Variants in WWOX observed in about 807,000 individuals in gnomAD.
WWOX encodes WW domain containing oxidoreductase.
In WWOX, 69 loss-of-function variants were observed where a neutral mutation model predicts 46.2. The ratio of observed to expected loss-of-function variants is 1.49; its 90% CI spans 1.23 to 1.82. WWOX has a LOEUF of 1.82. Among genes scored for constraint, WWOX ranks in the 40% most tolerant of loss-of-function variants. The probability of loss-of-function intolerance (pLI) is 0.00; values close to 1 mark genes in which losing one functional copy is unlikely to be tolerated. For missense variants in WWOX, 919 were observed against 542.6 expected (o/e 1.69, Z -6.89); for synonymous variants, 359 against 202.6 (o/e 1.77, Z -6.56).
chr16:78,251,602 T>G (rs2037986040), intron 5 of WWOX, among the ~76,000 whole-genome samples: 1 of 152,232 alleles, frequency 6.6e-6, no homozygotes, highest in African/African-American at 2.4e-5. Context: ...AACTTCATTC[T>G]AAAAGCTGTC....
chr16:79,008,823 G>A (rs2047242611), intron 8 of WWOX, among the ~76,000 whole-genome samples: 1 of 152,200 alleles, frequency 6.6e-6, no homozygotes, highest in East Asian at 1.9e-4. Context: ...TGCACCTGCA[G>A]CCGGAGACCA....
chr16:78,350,631 A>G (rs57761121), intron 5 of WWOX, among the ~76,000 whole-genome samples: 21,818 of 120,500 alleles, frequency 0.18, 7,021 homozygotes, highest in Middle Eastern at 0.27. Flanking sequence ...AGCATGTATC[A>G]GTACTTCTTT....
At chr16:78,758,269 T>C (rs922592726) in intron 8 of WWOX, among the ~76,000 whole-genome samples, 1 of 152,158 alleles carries the variant, frequency 6.6e-6, no homozygotes, top group Non-Finnish European at 1.5e-5. Context: ...TACCAGAGAA[T>C]ACTCTAAGCC....
chr16:78,308,914 G>A (rs944114816), intron 5 of WWOX, among the ~76,000 whole-genome samples: 2 of 152,172 alleles, frequency 1.3e-5, no homozygotes, highest in Admixed American at 1.3e-4. Flanking sequence ...CCCAAAATCA[G>A]ACAGTCCTAT....
At chr16:78,110,701 A>G (rs1232257493) in intron 3 of WWOX, among the ~76,000 whole-genome samples, 1 of 152,138 alleles carries the variant, frequency 6.6e-6, no homozygotes, top group Non-Finnish European at 1.5e-5. Context: ...GATTCTAATC[A>G]TCTTGTATCT....
chr16:78,662,773 T>C (rs1262004982), intron 8 of WWOX, among the ~76,000 whole-genome samples: 1 of 152,160 alleles, frequency 6.6e-6, no homozygotes, highest in Non-Finnish European at 1.5e-5. Context: ...GCACAGTTGT[T>C]GGCAAGATGT....
chr16:78,126,540 A>C (rs928979790), intron 4 of WWOX, among the ~76,000 whole-genome samples: 2 of 152,116 alleles, frequency 1.3e-5, no homozygotes, highest in Admixed American at 1.3e-4. Flanking sequence ...TCGATTACTA[A>C]TTGATTGCTT....
At position 78,728,048 on chromosome 16, in the gene WWOX, CTCCT is replaced by C. The variant is rs150455951; in HGVS notation, c.1056+295302_1056+295305del. ...AACTCCCTTCCTCTTTCCTCTCTCC[CTCCT>C]TCCTTTTTTTTTTTTTTTTTTTTTT... On this transcript the variant is annotated intron_variant, in intron 8 of 8. Transcript: ENST00000566780. Among the ~76,000 whole-genome samples, 351 of 89,474 alleles carry C rather than the reference CTCCT, an allele frequency of 3.9e-3. 7 individuals carry two copies. Among genetic ancestry groups the C allele is most frequent in the African/African-American group, 0.016 (331 of 20,860 alleles). 58.7% of individuals were successfully genotyped at this position (89,474 alleles called of 152,430 possible). A position where few individuals can be genotyped will look rare whatever the true frequency, so the allele number is the denominator to read the frequency against.
intron 6 of WWOX, among the ~76,000 whole-genome samples, chr16:78,397,183 C>G (rs1172072302): frequency 6.6e-6 from 1 of 152,026 alleles, no homozygotes. Context: ...CTTTGCTGAG[C>G]TTTGGAAATA....
At chr16:79,130,530 A>G (rs1050412723) in intron 8 of WWOX, among the ~76,000 whole-genome samples, 3 of 152,198 alleles carry the variant, frequency 2.0e-5, no homozygotes, top group Admixed American at 6.5e-5. Flanking sequence ...TCAGGACTCA[A>G]GGACTGTGGA....
intron 1 of WWOX, among the ~76,000 whole-genome samples, chr16:78,101,904 C>G (rs1441012388): frequency 2.0e-5 from 3 of 152,104 alleles, no homozygotes; most frequent in Admixed American, 1.3e-4. Flanking sequence ...AGGAGCGTCC[C>G]CACGCAGTGT....
intron 8 of WWOX, among the ~76,000 whole-genome samples, chr16:78,694,279 C>G (rs1013373295): frequency 2.0e-5 from 3 of 152,084 alleles, no homozygotes; most frequent in African/African-American, 7.2e-5. Context: ...CGGGTCAAAG[C>G]GATCCCCCCA....
intron 5 of WWOX, among the ~76,000 whole-genome samples, chr16:78,164,890 G>A (rs1338429861): frequency 6.6e-6 from 1 of 152,198 alleles, no homozygotes; most frequent in Admixed American, 6.5e-5. Flanking sequence ...GGGAATGATA[G>A]CGTGAGTGTG....
chr16:78,509,064 C>T (rs1202910944), intron 8 of WWOX, among the ~76,000 whole-genome samples: 3 of 152,280 alleles, frequency 2.0e-5, no homozygotes, highest in African/African-American at 4.8e-5. Context: ...TGCCCTTGCA[C>T]AGTGGGCACT....
At chr16:78,189,889 A>G (rs952965762) in intron 5 of WWOX, among the ~76,000 whole-genome samples, 55 of 152,172 alleles carry the variant, frequency 3.6e-4, no homozygotes, top group Non-Finnish European at 1.0e-4. Flanking sequence ...TCCTGACCTC[A>G]AGTGATCCAC....
At chr16:78,578,251 ATT>A (rs774065400) in intron 8 of WWOX, among the ~76,000 whole-genome samples, 6 of 46,402 alleles carry the variant, frequency 1.3e-4, no homozygotes, top group African/African-American at 4.2e-4. Flanking sequence ...TGCATACCAA[ATT>A]TTATATATAT....
At chr16:78,593,937 C>G (rs184823599) in intron 8 of WWOX, among the ~76,000 whole-genome samples, 4 of 152,230 alleles carry the variant, frequency 2.6e-5, no homozygotes, top group Admixed American at 1.3e-4. Flanking sequence ...AGGAGGATGA[C>G]CTTAGTTTGC....
At chr16:78,218,350 G>T (rs1442889136) in intron 5 of WWOX, among the ~76,000 whole-genome samples, 1 of 152,050 alleles carries the variant, frequency 6.6e-6, no homozygotes, top group Non-Finnish European at 1.5e-5. Flanking sequence ...GCCTCCCAAA[G>T]TGCTGGGATT....
At chr16:79,050,048 A>G (rs1481184061) in intron 8 of WWOX, among the ~76,000 whole-genome samples, 1 of 152,120 alleles carries the variant, frequency 6.6e-6, no homozygotes, top group East Asian at 1.9e-4. Flanking sequence ...GGAGGAGTTT[A>G]AACAGGTCAT....
Sources: allele counts gnomAD v4.1 joint callset (sites outside exome capture counted in the v4.1 genomes callset), GRCh38; gene constraint gnomAD v4.1.1; transcripts MANE v1.5; gene names NCBI Gene and HGNC (gene_info 2026-07-23, HGNC 2026-07-21).